The following WWTR1 variants were observed in gnomAD, a reference collection of about 807,000 sequenced individuals.
WWTR1 encodes the protein WW domain containing transcription regulator 1.
WWTR1 carries 13 observed loss-of-function variants against 40.1 expected under a neutral mutation model. The ratio of observed to expected loss-of-function variants is 0.32; its 90% CI spans 0.21 to 0.52. The LOEUF (loss-of-function observed/expected upper bound fraction) is 0.52, where lower values mean the gene tolerates loss of function less well. WWTR1 is among the 20% of genes least tolerant of loss of function. WWTR1 has a pLI of 0.97. For synonymous variants in WWTR1, 230 were observed against 210.1 expected, an observed-to-expected ratio of 1.09 and a Z score of -0.82; for missense variants, 436 against 523.1, an observed-to-expected ratio of 0.83 and a Z score of 1.63.
At chr3:149,621,326 C>T (rs1740254925) in intron 2 of WWTR1, among the ~76,000 whole-genome samples, 1 of 152,042 alleles carries the variant, frequency 6.6e-6, no homozygotes, top group African/African-American at 2.4e-5. Flanking sequence ...TGTGAAACTA[C>T]ATTTCTGTAA....
At chr3:149,556,278 T>C (rs1337767164) in intron 3 of WWTR1, among the ~76,000 whole-genome samples, 1 of 152,058 alleles carries the variant, frequency 6.6e-6, no homozygotes, top group Non-Finnish European at 1.5e-5. Context: ...CACAGTGAAG[T>C]GAGTCAAAAA....
At chr3:149,631,045 G>C (rs1465334134) in intron 2 of WWTR1, among the ~76,000 whole-genome samples, 1 of 152,168 alleles carries the variant, frequency 6.6e-6, no homozygotes, top group African/African-American at 2.4e-5. Flanking sequence ...TGGAAATGTT[G>C]ACCTTTTCAC....
At chr3:149,625,217 G>C (rs1740491376) in intron 2 of WWTR1, among the ~76,000 whole-genome samples, 1 of 149,890 alleles carries the variant, frequency 6.7e-6, no homozygotes, top group Non-Finnish European at 1.5e-5. Context: ...TGCCTCCCGG[G>C]TTCATGCCAT....
chr3:149,680,783 A>C (rs897346076), intron 1 of WWTR1, among the ~76,000 whole-genome samples: 1 of 152,166 alleles, frequency 6.6e-6, no homozygotes, highest in Non-Finnish European at 1.5e-5. Flanking sequence ...TTGGGGCTGC[A>C]GTGAGCTATG....
intron 2 of WWTR1, among the ~76,000 whole-genome samples, chr3:149,643,458 TAG>T (rs1470422559): frequency 1.3e-5 from 2 of 152,152 alleles, no homozygotes; most frequent in East Asian, 1.9e-4. Flanking sequence ...TCATATCAAT[TAG>T]AGTCATGTTT....
At position 149,699,970 on chromosome 3, in the gene WWTR1, AG is replaced by A. The variant is rs564904842; in HGVS notation, c.-108+3153del. On this transcript the variant is annotated intron_variant, in intron 1 of 7. Coordinates refer to the WWTR1 transcript ENST00000465804. ...TCAGTCCACTTTCGCATTACTATAA[AG>A]GTATACCAGAGACTGGGCAATTTAT... Among the ~76,000 whole-genome samples, 247 of 152,350 alleles carry A rather than the reference AG, an allele frequency of 1.6e-3. 1 individual carries two copies. The highest frequency in any genetic ancestry group is 5.9e-3 in the African/African-American group (245 of 41,578).
chr3:149,666,504 A>G lies in WWTR1; in HGVS notation c.-4+3284T>C, dbSNP rs528528686. ...CAATACATCCTAATTTGACCATATG[A>G]TTGAAGACATCTCAATCTAGTTATG... is the stretch of plus-strand genomic sequence containing the variant. On this transcript the variant is annotated intron_variant, in intron 2 of 7. Coordinates refer to the WWTR1 transcript ENST00000465804. Among the ~76,000 whole-genome samples the G allele has an allele frequency of 2.4e-4, 36 of 152,348 alleles. No individual in the cohort carries two copies. In the East Asian group the frequency reaches 5.8e-3, roughly 24 times the overall value.
At chr3:149,710,942 T>C (rs575595138) in intron 5 of WWTR1, among the ~76,000 whole-genome samples, 3 of 152,132 alleles carry the variant, frequency 2.0e-5, no homozygotes, top group East Asian at 3.9e-4. Context: ...TTGTCCAAGT[T>C]CACATATGTA....
At chr3:149,535,215 G>A (rs1340142788) in intron 4 of WWTR1, among the ~76,000 whole-genome samples, 1 of 149,514 alleles carries the variant, frequency 6.7e-6, no homozygotes, top group Non-Finnish European at 1.5e-5. Flanking sequence ...ATAAAGGGTG[G>A]GGTGAGTAGA....
At chr3:149,574,986 C>T (rs1408391886) in intron 2 of WWTR1, among the ~76,000 whole-genome samples, 1 of 151,758 alleles carries the variant, frequency 6.6e-6, no homozygotes, top group Non-Finnish European at 1.5e-5. Context: ...CCCAGCTACT[C>T]GGGAGGCTGA....
chr3:149,693,302 T>C (rs1412890606), intron 1 of WWTR1, among the ~76,000 whole-genome samples: 1 of 152,226 alleles, frequency 6.6e-6, no homozygotes, highest in South Asian at 2.1e-4. Context: ...CCATGACAAC[T>C]ATAAAACATT....
rs1712495922 is a variant in WWTR1, at chr3:149,645,877, G to C, written c.431+10999C>G. On this transcript the variant is annotated intron_variant, in intron 2 of 6. Transcript: ENST00000360632. Reference sequence around the variant, plus strand: ...GACTCCTGAGTCTGTCACTGGCAATGCTTACCAGCAGACTAGTCACAAAAA... The same window carrying C: ...GACTCCTGAGTCTGTCACTGGCAATCCTTACCAGCAGACTAGTCACAAAAA... 2.0e-5 allele frequency among the ~76,000 whole-genome samples: 3 copies of C among 152,104 alleles called. No homozygotes were observed. In the South Asian group the frequency reaches 6.2e-4, roughly 32 times the overall value.
chr3:149,642,502 A>C (rs7637419), intron 2 of WWTR1, among the ~76,000 whole-genome samples: 1 of 149,456 alleles, frequency 6.7e-6, no homozygotes, highest in East Asian at 2.0e-4. Flanking sequence ...CCGGCCGGGC[A>C]CGGTGGCTCA....
upstream of WWTR1, among the ~76,000 whole-genome samples, chr3:149,662,114 A>T (rs542878888): frequency 3.9e-5 from 6 of 152,292 alleles, no homozygotes; most frequent in Non-Finnish European, 8.8e-5. Flanking sequence ...AGACCTAAAG[A>T]TAAGGAAACT....
intron 2 of WWTR1, among the ~76,000 whole-genome samples, chr3:149,665,746 T>C (rs564619074): frequency 6.6e-6 from 1 of 152,206 alleles, no homozygotes; most frequent in African/African-American, 2.4e-5. Flanking sequence ...GAAAAATGAA[T>C]AAAAAGATGC....
chr3:149,562,600 GACAC>G (rs60366789), intron 3 of WWTR1, among the ~76,000 whole-genome samples: 49,879 of 135,532 alleles, frequency 0.37, 9,688 homozygotes, highest in Non-Finnish European at 0.44. Context: ...TTAAAATACA[GACAC>G]ACACACACAC....
intron 5 of WWTR1, among the ~76,000 whole-genome samples, chr3:149,712,635 T>C (rs1226937298): frequency 6.6e-6 from 1 of 152,194 alleles, no homozygotes. Flanking sequence ...TATTGAACCT[T>C]ATGAATAGGA....
upstream of WWTR1, among the ~76,000 whole-genome samples, chr3:149,661,990 C>A (rs956813828): frequency 1.3e-5 from 2 of 152,098 alleles, no homozygotes; most frequent in Non-Finnish European, 2.9e-5. Flanking sequence ...CTCCACCTCC[C>A]AAAGTGCTGG....
chr3:149,668,092 T>G (rs1713907747), intron 2 of WWTR1, among the ~76,000 whole-genome samples: 1 of 152,202 alleles, frequency 6.6e-6, no homozygotes, highest in Non-Finnish European at 1.5e-5. Flanking sequence ...TAGTTGGCAT[T>G]AAATCTATAA....
Sources: allele counts gnomAD v4.1 joint callset (sites outside exome capture counted in the v4.1 genomes callset), GRCh38; gene constraint gnomAD v4.1.1; transcripts MANE v1.5; gene names NCBI Gene and HGNC (gene_info 2026-07-23, HGNC 2026-07-21).